The following SLC25A31 variants were observed in gnomAD, a reference collection of about 807,000 sequenced individuals.
SLC25A31 encodes solute carrier family 25 member 31, also known as ADP/ATP translocase 4.
In SLC25A31, 40 loss-of-function variants were observed where a neutral mutation model predicts 36.2. That is an observed-to-expected ratio of 1.10 (90% CI 0.86 to 1.44). SLC25A31 has a LOEUF of 1.44. Among genes scored for constraint, SLC25A31 ranks in the 40% most tolerant of loss-of-function variants. SLC25A31 has a pLI of 0.00. For synonymous variants in SLC25A31, 143 were observed against 149.7 expected, an observed-to-expected ratio of 0.96 and a Z score of 0.32; for missense variants, 350 against 397.1, an observed-to-expected ratio of 0.88 and a Z score of 1.01.
intron 2 of SLC25A31, among the ~76,000 whole-genome samples, chr4:127,757,059 C>T (rs1416299868): frequency 2.0e-5 from 3 of 152,176 alleles, no homozygotes; most frequent in Non-Finnish European, 2.9e-5. Context: ...AATCTGGAAA[C>T]AACTCAGATG....
chr4:127,759,299 A>G (rs1732085889), intron 2 of SLC25A31, among the ~76,000 whole-genome samples: 2 of 151,444 alleles, frequency 1.3e-5, no homozygotes, highest in Admixed American at 6.6e-5. Context: ...TAGAAATGCT[A>G]CTGACTTTTG....
intron 2 of SLC25A31, among the ~76,000 whole-genome samples, chr4:127,760,422 T>G (rs1732105272): frequency 6.6e-6 from 1 of 152,142 alleles, no homozygotes; most frequent in Non-Finnish European, 1.5e-5. Context: ...ACTAGTTTGT[T>G]CCAATCTAAC....
intron 2 of SLC25A31, among the ~76,000 whole-genome samples, chr4:127,754,597 A>C (rs1002432079): frequency 6.6e-6 from 1 of 152,068 alleles, no homozygotes; most frequent in African/African-American, 2.4e-5. Context: ...AGATCCATAT[A>C]CTGAAAAGTT....
At chr4:127,744,599 AAAT>A (rs1321585665) in intron 1 of SLC25A31, 70 bp from the exon 2 acceptor site, 15 of 1,356,640 alleles carry the variant, frequency 1.1e-5, no homozygotes, top group Non-Finnish European at 1.2e-5. Context: ...TCATATAGCT[AAAT>A]TTGCTAAAAC....
chr4:127,761,317 A>G (rs979319515), intron 2 of SLC25A31, among the ~76,000 whole-genome samples: 1 of 152,244 alleles, frequency 6.6e-6, no homozygotes, highest in African/African-American at 2.4e-5. Flanking sequence ...CAAGAAAGAA[A>G]AAAAGATTAA....
At chr4:127,735,880 A>ATT (rs1345012855) in intron 1 of SLC25A31, among the ~76,000 whole-genome samples, 12 of 70,046 alleles carry the variant, frequency 1.7e-4, no homozygotes, top group East Asian at 1.3e-3. Context: ...TTATTTATTT[A>ATT]TTTATTTATT....
chr4:127,736,925 A>G (rs1054547744), intron 1 of SLC25A31, among the ~76,000 whole-genome samples: 1 of 152,238 alleles, frequency 6.6e-6, no homozygotes, highest in African/African-American at 2.4e-5. Flanking sequence ...ATCCAAGGGA[A>G]CTGGAACCTA....
At chr4:127,770,462 TA>T (rs1732333267) in intron 5 of SLC25A31, among the ~76,000 whole-genome samples, 1 of 151,790 alleles carries the variant, frequency 6.6e-6, no homozygotes, top group Non-Finnish European at 1.5e-5. Flanking sequence ...CCATCTCTAC[TA>T]AAAATACAAA....
intron 1 of SLC25A31, among the ~76,000 whole-genome samples, 174 bp from the exon 2 acceptor site, chr4:127,744,498 T>C (rs910297134): frequency 6.6e-6 from 1 of 152,218 alleles, no homozygotes; most frequent in Non-Finnish European, 1.5e-5. Context: ...TGGGGTTCAA[T>C]AGAGTTAACA....
At chr4:127,763,050 G>A (rs567118222) in intron 2 of SLC25A31, among the ~76,000 whole-genome samples, 5 of 151,890 alleles carry the variant, frequency 3.3e-5, no homozygotes, top group South Asian at 4.2e-4. Context: ...AGTCGAGATC[G>A]CGCCACTGCA....
At chr4:127,737,537 A>C (rs1319313615) in intron 1 of SLC25A31, among the ~76,000 whole-genome samples, 1 of 151,748 alleles carries the variant, frequency 6.6e-6, no homozygotes, top group Non-Finnish European at 1.5e-5. Context: ...AATCAAAGTT[A>C]CAAACCTTTG....
Position 127,751,105 on chromosome 4 carries a change from A to G in SLC25A31, c.360+6306A>G, listed in dbSNP as rs1578662507. Among the ~76,000 whole-genome samples the G allele has an allele frequency of 3.3e-5, 5 of 152,118 alleles. No homozygotes were observed. The South Asian group carries it at 1.0e-3, about 32-fold the overall frequency. On this transcript the variant is annotated intron_variant, in intron 2 of 5. Coordinates refer to ENST00000281154, the MANE Select transcript of SLC25A31 (RefSeq NM_031291.4). ...TTCATATGGAACCAAAAAAGAGCCCACCTTGCCAAGTCAATCCTAAGCCAG... is the reference window on the plus strand; with the variant it reads ...TTCATATGGAACCAAAAAAGAGCCCGCCTTGCCAAGTCAATCCTAAGCCAG...
At chr4:127,736,014 C>G (rs951003555) in intron 1 of SLC25A31, among the ~76,000 whole-genome samples, 3 of 150,138 alleles carry the variant, frequency 2.0e-5, no homozygotes, top group Admixed American at 2.0e-4. Flanking sequence ...CTCAGCCTCC[C>G]GAGTAGCTGG....
At chr4:127,752,788 A>C (rs1161712449) in intron 2 of SLC25A31, among the ~76,000 whole-genome samples, 3 of 152,198 alleles carry the variant, frequency 2.0e-5, no homozygotes, top group Non-Finnish European at 4.4e-5. Context: ...AATAGATTTG[A>C]AGGGAGAGAC....
intron 2 of SLC25A31, among the ~76,000 whole-genome samples, chr4:127,747,009 C>T (rs1045243140): frequency 6.6e-6 from 1 of 152,054 alleles, no homozygotes; most frequent in Non-Finnish European, 1.5e-5. Context: ...AGTTATCCCA[C>T]CACTATTTAT....
chr4:127,736,885 C>G (rs1731643237), intron 1 of SLC25A31, among the ~76,000 whole-genome samples: 1 of 152,192 alleles, frequency 6.6e-6, no homozygotes, highest in Admixed American at 6.5e-5. Flanking sequence ...GATAAACTTG[C>G]ATTATGCATA....
chr4:127,772,931 G>A (rs1732391985), intron 5 of SLC25A31, among the ~76,000 whole-genome samples: 1 of 151,770 alleles, frequency 6.6e-6, no homozygotes, highest in African/African-American at 2.4e-5. Flanking sequence ...ACAGGCATGT[G>A]CCAGCACACC....
intron 1 of SLC25A31, among the ~76,000 whole-genome samples, chr4:127,735,889 TTTA>T (rs200902887): frequency 0.11 from 3,723 of 34,562 alleles, 263 homozygotes; most frequent in African/African-American, 0.22. Context: ...TATTTATTTA[TTTA>T]TTTATTTTTT....
intron 1 of SLC25A31, among the ~76,000 whole-genome samples, chr4:127,744,439 C>T (rs972041974): frequency 2.6e-5 from 4 of 152,106 alleles, no homozygotes; most frequent in South Asian, 2.1e-4. Flanking sequence ...TAACACTTTC[C>T]GTTTTAGGTA....
Sources: allele counts gnomAD v4.1 joint callset (sites outside exome capture counted in the v4.1 genomes callset), GRCh38; gene constraint gnomAD v4.1.1; transcripts MANE v1.5; gene names NCBI Gene and HGNC (gene_info 2026-07-23, HGNC 2026-07-21).